IRAG2: variants seen among roughly 807,000 people sequenced by gnomAD.
IRAG2 encodes the protein lymphoid restricted membrane protein.
Under a neutral mutation model 69.9 loss-of-function variants are expected in IRAG2, and 45 were observed. That is an observed-to-expected ratio of 0.64 (90% CI 0.51 to 0.83). The LOEUF (loss-of-function observed/expected upper bound fraction) is 0.83. Among genes scored for constraint, IRAG2 ranks in the 40% least tolerant of loss-of-function variants. The probability of loss-of-function intolerance (pLI) is 0.00; values close to 1 mark genes in which losing one functional copy is unlikely to be tolerated. For synonymous variants in IRAG2, 193 were observed against 202.4 expected (o/e 0.95, Z 0.40); for missense variants, 520 against 587.0 (o/e 0.89, Z 1.18).
At chr12:25,029,833 G>A (rs1002576793) in intron 9 of IRAG2, among the ~76,000 whole-genome samples, 4 of 152,058 alleles carry the variant, frequency 2.6e-5, no homozygotes, top group Admixed American at 6.5e-5. Flanking sequence ...GGCATGTGCC[G>A]CCATGCCAGG....
At chr12:25,077,361 GATATATA>G (rs1435801248) in intron 6 of IRAG2, among the ~76,000 whole-genome samples, 1 of 12,834 alleles carries the variant, frequency 7.8e-5, no homozygotes, top group African/African-American at 2.3e-4. Flanking sequence ...TGATATATAT[GATATATA>G]TGAAATATAT....
At chr12:25,098,751 C>T (rs557834852) in intron 15 of IRAG2, among the ~76,000 whole-genome samples, 1 of 152,204 alleles carries the variant, frequency 6.6e-6, no homozygotes, top group East Asian at 1.9e-4. Context: ...CTCCCATTTA[C>T]AGCAAACCTC....
intron 6 of IRAG2, among the ~76,000 whole-genome samples, chr12:25,075,028 C>G (rs1280337042): frequency 6.6e-6 from 1 of 152,064 alleles, no homozygotes; most frequent in Non-Finnish European, 1.5e-5. Context: ...TGACTGATAA[C>G]TATATTATAA....
intron 10 of IRAG2, among the ~76,000 whole-genome samples, chr12:25,031,867 G>A (rs1320844301): frequency 6.6e-6 from 1 of 152,116 alleles, no homozygotes; most frequent in African/African-American, 2.4e-5. Flanking sequence ...TCCCCATGTT[G>A]GTCAGGCTGG....
chr12:25,065,636 A>T (rs1945930864), intron 4 of IRAG2, among the ~76,000 whole-genome samples: 1 of 152,262 alleles, frequency 6.6e-6, no homozygotes, highest in Non-Finnish European at 1.5e-5. Context: ...TCACACAAAC[A>T]GCCATGGACA....
intron 14 of IRAG2, 48 bp from the exon 15 acceptor site, chr12:25,096,862 G>C (rs768193372): frequency 6.6e-7 from 1 of 1,519,840 alleles, no homozygotes; most frequent in Non-Finnish European, 8.9e-7. Flanking sequence ...AGAATCACTC[G>C]CTGAATGCTT....
At chr12:25,014,572 T>C (rs1186076539) in intron 3 of IRAG2, among the ~76,000 whole-genome samples, 1 of 151,972 alleles carries the variant, frequency 6.6e-6, no homozygotes, top group Non-Finnish European at 1.5e-5. Context: ...AATGTTAATA[T>C]GTTTATTTTG....
At chr12:25,024,027 G>A (rs1944603776) in intron 8 of IRAG2, 1 of 529,038 alleles carries the variant, frequency 1.9e-6, no homozygotes, top group Non-Finnish European at 2.9e-6. Context: ...GCCTCCTATA[G>A]GCCAGAGAGC....
chr12:25,048,641 C>T (rs759072672), upstream of IRAG2, among the ~76,000 whole-genome samples: 1 of 152,052 alleles, frequency 6.6e-6, no homozygotes, highest in African/African-American at 2.4e-5. Context: ...TGTTAAAGTT[C>T]CTTGCAGACT....
At chr12:25,069,321 T>C (rs924136077) in intron 5 of IRAG2, 29 bp from the exon 6 acceptor site, 2 of 1,029,372 alleles carry the variant, frequency 1.9e-6, no homozygotes, top group African/African-American at 1.6e-5. Flanking sequence ...TTTTCACCTG[T>C]AGTAAATAAC....
At position 25,036,439 on chromosome 12, in the gene IRAG2, A is replaced by G. The variant is rs140538795; in HGVS notation, c.1879-146A>G. 395 of 393,644 alleles carry G rather than the reference A, an allele frequency of 1.0e-3. 4 individuals are homozygous for G. The highest frequency in any genetic ancestry group is 7.4e-3 in the African/African-American group (359 of 48,658). 24.4% of individuals were successfully genotyped at this position (393,644 alleles called of 1,614,324 possible). A position where few individuals can be genotyped will look rare whatever the true frequency, so the allele number is the denominator to read the frequency against. On this transcript the variant is annotated intron_variant, in intron 14 of 38. Transcript: ENST00000636465. ...ACACATGGCAACATCCTGGAATAAA[A>G]GAAAGTCACTGGGGGCATTAGATGC...
chr12:25,103,126 C>T (rs147812554), intron 17 of IRAG2: 227 of 152,216 alleles, frequency 1.5e-3, no homozygotes, highest in African/African-American at 5.2e-3. Flanking sequence ...CATGGAACCC[C>T]CTTAAATTAG....
chr12:25,065,771 A>G (rs960119816), intron 4 of IRAG2, among the ~76,000 whole-genome samples: 1 of 152,200 alleles, frequency 6.6e-6, no homozygotes, highest in South Asian at 2.1e-4. Flanking sequence ...TTGGGCTCAA[A>G]TGATTCTCCT....
intron 2 of IRAG2, among the ~76,000 whole-genome samples, chr12:25,010,451 G>A (rs1944465107): frequency 6.8e-6 from 1 of 146,938 alleles, no homozygotes; most frequent in Admixed American, 7.0e-5. Context: ...GAGCAACATA[G>A]CAAGACCCTG....
At chr12:25,079,018 T>C (rs1050607076) in intron 6 of IRAG2, among the ~76,000 whole-genome samples, 1 of 152,224 alleles carries the variant, frequency 6.6e-6, no homozygotes, top group Non-Finnish European at 1.5e-5. Context: ...TTTTTTTAAA[T>C]ATCAGACTTG....
chr12:25,097,884 A>G (rs1469703810), intron 15 of IRAG2, among the ~76,000 whole-genome samples: 1 of 152,198 alleles, frequency 6.6e-6, no homozygotes, highest in East Asian at 1.9e-4. Context: ...TTGTATTTGC[A>G]TTCACATTTT....
chr12:25,079,819 A>G, intron 9 of IRAG2, 56 bp downstream of exon 9: 2 of 1,121,948 alleles, frequency 1.8e-6, no homozygotes, highest in Non-Finnish European at 2.7e-6. Flanking sequence ...AAGCAAGTCT[A>G]TAAGCTAGTG....
chr12:25,030,120 T>C lies in IRAG2; in HGVS notation c.1462-158T>C, dbSNP rs540306847. ...CTCACTGGTAACATGAGAGCAATGA[T>C]GCCTGCCTCTAGAGTTGGAAGGGAA... On this transcript the variant is annotated intron_variant, in intron 9 of 38. Coordinates refer to the IRAG2 transcript ENST00000636465. Among the ~76,000 whole-genome samples the C allele has an allele frequency of 3.9e-5, 6 of 152,258 alleles. No individual in the cohort carries two copies. In the East Asian group the frequency reaches 9.7e-4, roughly 24 times the overall value.
At chr12:25,103,555 G>A in intron 17 of IRAG2, 1 of 336,312 alleles carries the variant, frequency 3.0e-6, no homozygotes, top group Admixed American at 4.4e-5. Context: ...AAAAAGAAAT[G>A]TTCAATGTTT....
Sources: gnomAD v4.1 joint callset for allele counts (sites outside exome capture counted in the v4.1 genomes callset) on GRCh38, gnomAD v4.1.1 for gene constraint, MANE v1.5 for transcripts, NCBI Gene and HGNC (gene_info 2026-07-23, HGNC 2026-07-21) for gene names.